The following PLCXD3 variants were observed in gnomAD, a reference collection of about 807,000 sequenced individuals.
The protein encoded by PLCXD3 is phosphatidylinositol specific phospholipase C X domain containing 3, also known as PI-PLC X domain-containing protein 3.
PLCXD3 carries 19 observed loss-of-function variants against 25.5 expected under a neutral mutation model. That is an observed-to-expected ratio of 0.75 (90% CI 0.52 to 1.09). The LOEUF is 1.09. Among genes scored for constraint, PLCXD3 ranks in the 50% least tolerant of loss-of-function variants. PLCXD3 has a pLI of 0.00. For synonymous variants in PLCXD3, 174 were observed against 137.6 expected (o/e 1.26, Z -1.85); for missense variants, 411 against 388.1 (o/e 1.06, Z -0.50).
intron 2 of PLCXD3, among the ~76,000 whole-genome samples, chr5:41,369,023 T>C (rs1745016859): frequency 6.6e-6 from 1 of 152,168 alleles, no homozygotes; most frequent in Non-Finnish European, 1.5e-5. Flanking sequence ...GGGGTCTTGT[T>C]GGTCTGTGGA....
At chr5:41,421,372 G>GT (rs1746817972) in intron 1 of PLCXD3, among the ~76,000 whole-genome samples, 1 of 152,074 alleles carries the variant, frequency 6.6e-6, no homozygotes, top group Non-Finnish European at 1.5e-5. Flanking sequence ...AGCCTATAGA[G>GT]TATTATTCCG....
intron 1 of PLCXD3, among the ~76,000 whole-genome samples, chr5:41,507,549 A>G (rs1749073723): frequency 6.6e-6 from 1 of 152,258 alleles, no homozygotes; most frequent in African/African-American, 2.4e-5. Context: ...TTTGAGAAAT[A>G]TTTAAAGACA....
intron 1 of PLCXD3, among the ~76,000 whole-genome samples, chr5:41,450,874 G>T (rs975328541): frequency 6.6e-6 from 1 of 152,036 alleles, no homozygotes; most frequent in Non-Finnish European, 1.5e-5. Context: ...GAAGGAGATG[G>T]ATTGCAGCAC....
intron 2 of PLCXD3, among the ~76,000 whole-genome samples, chr5:41,315,412 GA>G (rs761875500): frequency 7.4e-5 from 11 of 149,242 alleles, no homozygotes; most frequent in Non-Finnish European, 1.6e-4. Context: ...AGATGTTAAA[GA>G]GAAAAAAAAA....
chr5:41,474,634 T>A (rs1330062525), intron 1 of PLCXD3, among the ~76,000 whole-genome samples: 3 of 152,172 alleles, frequency 2.0e-5, no homozygotes, highest in Non-Finnish European at 4.4e-5. Flanking sequence ...CTCTCACTTC[T>A]CCTTTCATGA....
At chr5:41,365,611 A>G (rs977998973) in intron 2 of PLCXD3, among the ~76,000 whole-genome samples, 2 of 152,160 alleles carry the variant, frequency 1.3e-5, no homozygotes, top group African/African-American at 4.8e-5. Context: ...AAATGGATGG[A>G]TTCTTGTTTC....
intron 1 of PLCXD3, among the ~76,000 whole-genome samples, chr5:41,443,284 A>G (rs1747422769): frequency 6.6e-6 from 1 of 151,976 alleles, no homozygotes; most frequent in Admixed American, 6.6e-5. Flanking sequence ...TGCCTACAGC[A>G]TTCAATACTT....
chr5:41,355,364 A>G (rs1744588335), intron 2 of PLCXD3, among the ~76,000 whole-genome samples: 1 of 152,258 alleles, frequency 6.6e-6, no homozygotes, highest in Middle Eastern at 3.2e-3. Flanking sequence ...TTCCAACTAG[A>G]ATAGAGATAA....
chr5:41,446,245 G>GGCAGATAA (rs1469943638), intron 1 of PLCXD3, among the ~76,000 whole-genome samples: 2 of 150,004 alleles, frequency 1.3e-5, no homozygotes, highest in Non-Finnish European at 3.0e-5. Flanking sequence ...GTGGGGCAGG[G>GGCAGATAA]GCAGATAAGG....
intron 1 of PLCXD3, among the ~76,000 whole-genome samples, chr5:41,504,215 C>A (rs1340241554): frequency 2.6e-5 from 4 of 152,050 alleles, no homozygotes; most frequent in African/African-American, 9.7e-5. Context: ...TACATTGCAC[C>A]CACTGGAAGT....
At chr5:41,438,420 C>G (rs1214827889) in intron 1 of PLCXD3, among the ~76,000 whole-genome samples, 1 of 152,122 alleles carries the variant, frequency 6.6e-6, no homozygotes, top group African/African-American at 2.4e-5. Context: ...GCCCTTTCCC[C>G]GACTAGTTCT....
chr5:41,463,905 G>C (rs1324629089), intron 1 of PLCXD3, among the ~76,000 whole-genome samples: 3 of 151,728 alleles, frequency 2.0e-5, no homozygotes, highest in African/African-American at 7.3e-5. Flanking sequence ...AAGGGAATTT[G>C]GTCTCCTACA....
chr5:41,500,893 A>G (rs1486423660), intron 1 of PLCXD3, among the ~76,000 whole-genome samples: 1 of 152,012 alleles, frequency 6.6e-6, no homozygotes, highest in East Asian at 1.9e-4. Context: ...TTAAAACTAT[A>G]CAAAGAACAA....
chr5:41,477,398 C>A (rs1333720046), intron 1 of PLCXD3, among the ~76,000 whole-genome samples: 1 of 152,088 alleles, frequency 6.6e-6, no homozygotes, highest in Non-Finnish European at 1.5e-5. Context: ...AGACTTAGAT[C>A]CTATCCCCAT....
At chr5:41,378,505 T>C (rs566120142) in intron 2 of PLCXD3, among the ~76,000 whole-genome samples, 1 of 152,188 alleles carries the variant, frequency 6.6e-6, no homozygotes, top group African/African-American at 2.4e-5. Flanking sequence ...TTTCTTCTCC[T>C]TTTTCTTGTC....
intron 2 of PLCXD3, among the ~76,000 whole-genome samples, chr5:41,344,343 G>C (rs1254000322): frequency 3.3e-5 from 5 of 152,066 alleles, no homozygotes; most frequent in Non-Finnish European, 5.9e-5. Context: ...GATTTATTCA[G>C]CTCTTATTCA....
At chr5:41,472,227 T>C (rs1748181938) in intron 1 of PLCXD3, among the ~76,000 whole-genome samples, 1 of 152,104 alleles carries the variant, frequency 6.6e-6, no homozygotes, top group South Asian at 2.1e-4. Context: ...TATGTCTTAA[T>C]TTGTTAGACT....
intron 2 of PLCXD3, among the ~76,000 whole-genome samples, chr5:41,338,714 A>G (rs1744052176): frequency 6.6e-6 from 1 of 152,076 alleles, no homozygotes; most frequent in Non-Finnish European, 1.5e-5. Context: ...ATATTCCTTT[A>G]AATATTTGAA....
At chr5:41,484,632 T>C (rs1417051746) in intron 1 of PLCXD3, among the ~76,000 whole-genome samples, 4 of 152,122 alleles carry the variant, frequency 2.6e-5, no homozygotes, top group African/African-American at 4.8e-5. Context: ...GTCCTGAGGG[T>C]CATTTTAGCA....
Sources: gnomAD v4.1 joint callset for allele counts (sites outside exome capture counted in the v4.1 genomes callset) on GRCh38, gnomAD v4.1.1 for gene constraint, MANE v1.5 for transcripts, NCBI Gene and HGNC (gene_info 2026-07-23, HGNC 2026-07-21) for gene names.